The following NBAS variants were observed in gnomAD, a reference collection of about 807,000 sequenced individuals.
NBAS encodes the protein NAG/BC035112 fusion.
A neutral mutation model predicts 302.5 loss-of-function variants in NBAS; 219 were observed. The ratio of observed to expected loss-of-function variants is 0.72; its 90% confidence interval spans 0.65 to 0.81. The LOEUF (loss-of-function observed/expected upper bound fraction) is 0.81, where lower values mean the gene tolerates loss of function less well. Ranked by LOEUF, NBAS falls within the 30% of genes least tolerant of loss-of-function variation. The pLI is 0.00. For missense variants in NBAS, 2,932 were observed against 2,841.6 expected (o/e 1.03, Z -0.72); for synonymous variants, 1,118 against 1,021.6 (o/e 1.09, Z -1.80).
At chr2:15,243,961 G>GT (rs1667975126) in intron 44 of NBAS, among the ~76,000 whole-genome samples, 1 of 152,128 alleles carries the variant, frequency 6.6e-6, no homozygotes, top group South Asian at 2.1e-4. Flanking sequence ...AAACAAGGGC[G>GT]TGACACTCCG....
chr2:15,336,453 G>T (rs1357005749), intron 35 of NBAS, among the ~76,000 whole-genome samples: 1 of 152,158 alleles, frequency 6.6e-6, no homozygotes, highest in Non-Finnish European at 1.5e-5. Flanking sequence ...CTCATTTGTG[G>T]TCAGGTGCGG....
the NBAS span, among the ~76,000 whole-genome samples, chr2:15,023,380 A>G: frequency 6.6e-6 from 1 of 152,166 alleles, no homozygotes; most frequent in Non-Finnish European, 1.5e-5. Flanking sequence ...CACATGAATC[A>G]TCCTTACTTA....
At chr2:15,226,893 C>T (rs1208856259) in intron 47 of NBAS, among the ~76,000 whole-genome samples, 5 of 152,228 alleles carry the variant, frequency 3.3e-5, no homozygotes, top group South Asian at 4.1e-4. Context: ...CATTTAGATG[C>T]CTTTTACTTC....
chr2:15,318,672 A>C (rs1182867328), intron 38 of NBAS, among the ~76,000 whole-genome samples: 3 of 152,196 alleles, frequency 2.0e-5, no homozygotes, highest in Non-Finnish European at 4.4e-5. Context: ...CATAATGGTA[A>C]AGGGATCAAT....
intron 9 of NBAS, among the ~76,000 whole-genome samples, chr2:15,518,658 A>C (rs1662518561): frequency 6.6e-6 from 1 of 152,186 alleles, no homozygotes; most frequent in African/African-American, 2.4e-5. Context: ...AGATTATATT[A>C]CCCAATAATC....
the NBAS span, among the ~76,000 whole-genome samples, chr2:14,810,410 A>G: frequency 6.6e-6 from 1 of 152,176 alleles, no homozygotes; most frequent in South Asian, 2.1e-4. Context: ...GGTTTTACAA[A>G]AGGGAGTTTC....
At chr2:15,267,117 C>A (rs2148031638) in intron 44 of NBAS, among the ~76,000 whole-genome samples, 1 of 152,296 alleles carries the variant, frequency 6.6e-6, no homozygotes, top group East Asian at 1.9e-4. Flanking sequence ...ATTATCTCTT[C>A]TTTGTACACA....
At chr2:14,918,563 C>T in the NBAS span, among the ~76,000 whole-genome samples, 20 of 152,146 alleles carry the variant, frequency 1.3e-4, no homozygotes, top group African/African-American at 4.6e-4. Context: ...ATGTCTAGAC[C>T]ATTAACCCAG....
chr2:15,496,274 A>G (rs1414464482), intron 11 of NBAS, among the ~76,000 whole-genome samples: 1 of 152,212 alleles, frequency 6.6e-6, no homozygotes, highest in Non-Finnish European at 1.5e-5. Flanking sequence ...AATGTCCAGA[A>G]TAGGCAAATT....
At chr2:14,849,933 C>T in the NBAS span, among the ~76,000 whole-genome samples, 11 of 137,850 alleles carry the variant, frequency 8.0e-5, 1 homozygote, top group South Asian at 2.1e-3. Flanking sequence ...GAAGGAAGTG[C>T]TAAACATGGA....
intron 44 of NBAS, among the ~76,000 whole-genome samples, chr2:15,251,942 G>A (rs937837486): frequency 1.3e-5 from 2 of 152,086 alleles, no homozygotes; most frequent in Admixed American, 1.3e-4. Flanking sequence ...AAATGCCGCT[G>A]ACACAAGTAA....
intron 41 of NBAS, among the ~76,000 whole-genome samples, chr2:15,287,817 G>A (rs964649345): frequency 4.0e-5 from 6 of 150,276 alleles, no homozygotes; most frequent in Admixed American, 1.3e-4. Flanking sequence ...AGGCATCCCC[G>A]CATAAACATC....
At chr2:15,428,289 TTTTAA>T (rs1252957548) in intron 21 of NBAS, among the ~76,000 whole-genome samples, 1 of 152,254 alleles carries the variant, frequency 6.6e-6, no homozygotes, top group Non-Finnish European at 1.5e-5. Flanking sequence ...GGAAAGTGAT[TTTTAA>T]TTTAATTTTA....
the NBAS span, among the ~76,000 whole-genome samples, chr2:15,106,478 T>TCTCTCA: frequency 2.0e-5 from 3 of 150,038 alleles, no homozygotes; most frequent in Non-Finnish European, 3.0e-5. Context: ...TCTCTCTCTC[T>TCTCTCA]CACTCTCCAG....
At chr2:15,283,331 A>G (rs1214541114) in intron 42 of NBAS, among the ~76,000 whole-genome samples, 1 of 152,044 alleles carries the variant, frequency 6.6e-6, no homozygotes, top group African/African-American at 2.4e-5. Flanking sequence ...GCCCACCCAA[A>G]TCTCATCTTG....
At chr2:14,791,371 A>C in the NBAS span, among the ~76,000 whole-genome samples, 13 of 152,344 alleles carry the variant, frequency 8.5e-5, no homozygotes, top group South Asian at 2.7e-3. Context: ...AGTGGAACGA[A>C]AACACAACCA....
chr2:14,836,740 G>T, the NBAS span, among the ~76,000 whole-genome samples: 10 of 151,816 alleles, frequency 6.6e-5, no homozygotes, highest in Non-Finnish European at 1.3e-4. Context: ...ATTGGATTTT[G>T]ATGGGGATCA....
At chr2:15,291,386 C>G (rs1432003522) in intron 41 of NBAS, among the ~76,000 whole-genome samples, 1 of 152,244 alleles carries the variant, frequency 6.6e-6, no homozygotes, top group Non-Finnish European at 1.5e-5. Context: ...TTATAGAGCA[C>G]TTTGCACAGT....
intron 29 of NBAS, among the ~76,000 whole-genome samples, chr2:15,381,570 C>A (rs1453903456): frequency 6.6e-6 from 1 of 152,156 alleles, no homozygotes; most frequent in African/African-American, 2.4e-5. Flanking sequence ...ATACTTACTG[C>A]CAATTTTGCA....
Sources: allele counts gnomAD v4.1 joint callset (sites outside exome capture counted in the v4.1 genomes callset), GRCh38; gene constraint gnomAD v4.1.1; transcripts MANE v1.5; gene names NCBI Gene and HGNC (gene_info 2026-07-23, HGNC 2026-07-21).